The following LRP1B variants were observed in gnomAD, a reference collection of about 807,000 sequenced individuals.
LRP1B encodes LDL receptor related protein 1B.
A neutral mutation model predicts 556.6 loss-of-function variants in LRP1B; 217 were observed. The ratio of observed to expected loss-of-function variants is 0.39; its 90% confidence interval spans 0.35 to 0.44. The LOEUF (loss-of-function observed/expected upper bound fraction) is 0.44, where lower values mean the gene tolerates loss of function less well. Among genes scored for constraint, LRP1B ranks in the 20% least tolerant of loss-of-function variants. LRP1B has a pLI of 1.00. For synonymous variants in LRP1B, 2,047 were observed against 1,865.8 expected, an observed-to-expected ratio of 1.10 and a Z score of -2.50; for missense variants, 5,053 against 5,620.8, an observed-to-expected ratio of 0.90 and a Z score of 3.23.
rs2105232181 is a variant in LRP1B, at chr2:140,908,003, C to T, written c.3394G>A (p.Asp1132Asn). ...TTGGGTGGTCCACACAAGAAACTGT[C>T]ACAGTCATCTTCATCTGACTGATCT... ...CEDQSDEDDC[D>N]SFLCGPPKHP... is the part of the protein sequence containing the mutation. The change falls in exon 22 of 91, where the codon GAC becomes AAC. Residue 1132 changes from aspartate (D) to asparagine (N), a missense_variant. Asp to Asn is a conservative substitution (Grantham distance 23). Transcript: ENST00000389484. 1 of 1,613,544 alleles carries T rather than the reference C, an allele frequency of 6.2e-7. No individual in the cohort carries two copies. The highest frequency in any genetic ancestry group is 8.5e-7 in the Non-Finnish European group (1 of 1,179,692).
chr2:141,204,407 C>T (rs1451648288), intron 6 of LRP1B, among the ~76,000 whole-genome samples: 1 of 151,984 alleles, frequency 6.6e-6, no homozygotes, highest in Non-Finnish European at 1.5e-5. Context: ...GAGAGAAATC[C>T]GGATTTGGGA....
intron 2 of LRP1B, among the ~76,000 whole-genome samples, chr2:141,483,217 G>T (rs1330269217): frequency 6.8e-6 from 1 of 148,080 alleles, no homozygotes; most frequent in Non-Finnish European, 1.5e-5. Flanking sequence ...GCGGTGTTTG[G>T]TTTTTTGTCC....
intron 1 of LRP1B, among the ~76,000 whole-genome samples, chr2:142,032,468 T>G (rs1274604452): frequency 1.3e-5 from 2 of 151,830 alleles, no homozygotes; most frequent in Non-Finnish European, 2.9e-5. Flanking sequence ...TGACGAATAC[T>G]TGCTGCTTCC....
chr2:141,227,923 A>G lies in LRP1B; in HGVS notation c.850+1260T>C, dbSNP rs182862826. On this transcript the variant is annotated intron_variant, in intron 6 of 90. Coordinates refer to ENST00000389484, the MANE Select transcript of LRP1B (RefSeq NM_018557.3). ...CGCTTGATTGTACACATGTCTCTTC[A>G]TTTCTCTTCTCTTTCTTTTTAAGAC... 7.1e-4 allele frequency among the ~76,000 whole-genome samples: 108 copies of G among 152,018 alleles called. 4 individuals carry two copies. In the Middle Eastern group the frequency reaches 0.058, roughly 81 times the overall value.
intron 2 of LRP1B, among the ~76,000 whole-genome samples, chr2:141,681,538 A>G (rs1371733588): frequency 2.6e-5 from 4 of 152,130 alleles, no homozygotes; most frequent in Non-Finnish European, 5.9e-5. Flanking sequence ...TGATTAGAGT[A>G]TTAAGATTTG....
At chr2:142,018,231 A>C (rs1045336971) in intron 1 of LRP1B, among the ~76,000 whole-genome samples, 15 of 152,106 alleles carry the variant, frequency 9.9e-5, no homozygotes, top group African/African-American at 3.4e-4. Context: ...CATTCTTCTT[A>C]AGTTGCAGTT....
rs502735 is a variant in LRP1B at position 140,640,552 on chromosome 2, T to C, written c.6800-38913A>G. Among the ~76,000 whole-genome samples, 1,303 of 150,032 alleles carry C rather than the reference T, an allele frequency of 8.7e-3. 20 individuals carry two copies. Among genetic ancestry groups the C allele is most frequent in the African/African-American group, 0.03 (1,240 of 40,848 alleles). On this transcript the variant is annotated intron_variant, in intron 41 of 90. Coordinates refer to ENST00000389484, the MANE Select transcript of LRP1B (RefSeq NM_018557.3). ...CTGGGACTACAGGCGCCCGCCACCA[T>C]GCCCGGCTAATTTTTTGTATTTTTA...
chr2:141,517,405 A>C (rs893350425), intron 2 of LRP1B, among the ~76,000 whole-genome samples: 10 of 152,116 alleles, frequency 6.6e-5, no homozygotes, highest in African/African-American at 2.4e-4. Flanking sequence ...ACTGCTGCTC[A>C]GTGCCTCACT....
intron 2 of LRP1B, among the ~76,000 whole-genome samples, chr2:141,650,006 C>G (rs936699947): frequency 6.6e-6 from 1 of 152,058 alleles, no homozygotes; most frequent in East Asian, 1.9e-4. Context: ...ATGGTGAAAC[C>G]CTGTCTCTAC....
chr2:140,446,564 T>C (rs1686668033), intron 63 of LRP1B, among the ~76,000 whole-genome samples: 1 of 152,100 alleles, frequency 6.6e-6, no homozygotes, highest in African/African-American at 2.4e-5. Flanking sequence ...TTCCATAGAC[T>C]CTTGCATATA....
At chr2:140,888,881 T>G (rs1211829851) in intron 23 of LRP1B, among the ~76,000 whole-genome samples, 3 of 150,162 alleles carry the variant, frequency 2.0e-5, no homozygotes, top group Middle Eastern at 3.5e-3. Context: ...GAGAATCACT[T>G]GAACCTGGGA....
At chr2:140,437,626 T>C (rs973320525) in intron 66 of LRP1B, among the ~76,000 whole-genome samples, 2 of 152,200 alleles carry the variant, frequency 1.3e-5, no homozygotes, top group South Asian at 2.1e-4. Context: ...TTTTCCCCCA[T>C]AGGTTATCTT....
At chr2:140,932,932 T>TATATACAC (rs140010865) in intron 20 of LRP1B, among the ~76,000 whole-genome samples, 2 of 144,034 alleles carry the variant, frequency 1.4e-5, no homozygotes, top group African/African-American at 2.5e-5. Flanking sequence ...TATGTGTATA[T>TATATACAC]ATATACACAT....
intron 1 of LRP1B, among the ~76,000 whole-genome samples, chr2:142,040,404 A>G (rs2105213840): frequency 6.6e-6 from 1 of 151,568 alleles, no homozygotes; most frequent in Admixed American, 6.6e-5. Context: ...GGAGGCATAC[A>G]ATCATTTAGA....
chr2:141,105,275 T>C (rs1700576561), intron 7 of LRP1B, among the ~76,000 whole-genome samples: 1 of 152,140 alleles, frequency 6.6e-6, no homozygotes, highest in African/African-American at 2.4e-5. Flanking sequence ...ATGTCTGATT[T>C]CAATCAACTT....
chr2:140,317,804 CAT>C (rs1471035704), intron 82 of LRP1B, among the ~76,000 whole-genome samples: 1 of 152,034 alleles, frequency 6.6e-6, no homozygotes, highest in African/African-American at 2.4e-5. Flanking sequence ...AAAATCCTTA[CAT>C]GTTAGGGCAT....
chr2:142,058,604 GC>G (rs372956539), intron 1 of LRP1B, among the ~76,000 whole-genome samples: 3 of 151,850 alleles, frequency 2.0e-5, no homozygotes, highest in Non-Finnish European at 4.4e-5. Flanking sequence ...TCTATGTGTG[GC>G]CCAAGACAAT....
At chr2:140,714,982 C>T (rs1687159001) in intron 37 of LRP1B, among the ~76,000 whole-genome samples, 1 of 151,804 alleles carries the variant, frequency 6.6e-6, no homozygotes, top group Non-Finnish European at 1.5e-5. Context: ...CAAATAAGGT[C>T]AAATAAAATT....
chr2:140,295,099 C>A (rs528703130), intron 84 of LRP1B, among the ~76,000 whole-genome samples: 2 of 151,806 alleles, frequency 1.3e-5, no homozygotes, highest in South Asian at 4.2e-4. Context: ...AGGATGGTCT[C>A]GACCTCCTGA....
Sources: gnomAD v4.1 joint callset for allele counts (sites outside exome capture counted in the v4.1 genomes callset) on GRCh38, gnomAD v4.1.1 for gene constraint, MANE v1.5 for transcripts, NCBI Gene and HGNC (gene_info 2026-07-23, HGNC 2026-07-21) for gene names.